Variants in DNAH11 observed in about 807,000 individuals in gnomAD.
DNAH11 encodes dynein axonemal heavy chain 11, also known as axonemal beta dynein heavy chain 11.
In DNAH11, 442 loss-of-function variants were observed where a neutral mutation model predicts 526.0. The observed-to-expected ratio is 0.84, with a 90% confidence interval of 0.78 to 0.91. The LOEUF (loss-of-function observed/expected upper bound fraction) is 0.91. Ranked by LOEUF, DNAH11 falls within the 40% of genes least tolerant of loss-of-function variation. The probability of loss-of-function intolerance (pLI) is 0.00; values close to 1 mark genes in which losing one functional copy is unlikely to be tolerated. For synonymous variants in DNAH11, 2,461 were observed against 1,935.9 expected (o/e 1.27, Z -7.12); for missense variants, 6,989 against 5,448.7 (o/e 1.28, Z -8.90).
intron 65 of DNAH11, among the ~76,000 whole-genome samples, chr7:21,838,271 G>A (rs974415307): frequency 1.3e-5 from 2 of 152,202 alleles, no homozygotes; most frequent in Non-Finnish European, 2.9e-5. Flanking sequence ...AAAGACAAGC[G>A]TGAACCTCTG....
chr7:21,818,168 T>C, intron 64 of DNAH11, 49 bp from the exon 65 acceptor site: 1 of 1,579,114 alleles, frequency 6.3e-7, no homozygotes, highest in South Asian at 1.2e-5. Flanking sequence ...ATTTTGAACA[T>C]TTTGTGCCAA....
intron 62 of DNAH11, among the ~76,000 whole-genome samples, chr7:21,807,474 G>A (rs1293603707): frequency 6.6e-6 from 1 of 152,164 alleles, no homozygotes; most frequent in East Asian, 1.9e-4. Flanking sequence ...ATTCCAGCAC[G>A]GGTGATAGAG....
intron 8 of DNAH11, among the ~76,000 whole-genome samples, chr7:21,576,908 C>G (rs1237150668): frequency 6.6e-6 from 1 of 152,000 alleles, no homozygotes. Context: ...ATGTGTGTTA[C>G]TACTTATTTC....
At chr7:21,579,170 A>C (rs943000450) in intron 8 of DNAH11, among the ~76,000 whole-genome samples, 1 of 152,292 alleles carries the variant, frequency 6.6e-6, no homozygotes, top group East Asian at 1.9e-4. Context: ...CTCTAATTAC[A>C]ACCCTTCAAT....
intron 34 of DNAH11, among the ~76,000 whole-genome samples, chr7:21,688,712 CA>C (rs1314701213): frequency 1.3e-5 from 2 of 152,226 alleles, no homozygotes; most frequent in Non-Finnish European, 2.9e-5. Context: ...CATGTTCTTG[CA>C]GTAACTTGGG....
At position 21,570,096 on chromosome 7, in the gene DNAH11, C is replaced by T; in HGVS notation, c.1222C>T (p.Leu408Phe). The T allele has an allele frequency of 6.2e-7, 1 of 1,610,854 alleles. No individual in the cohort carries two copies. Among genetic ancestry groups the T allele is most frequent in the Non-Finnish European group, 8.5e-7 (1 of 1,178,472 alleles). The change falls in exon 7 of 82, where the codon CTT becomes TTT. Residue 408 changes from leucine (L) to phenylalanine (F), a missense_variant. Leu to Phe is a conservative substitution (Grantham distance 22, BLOSUM62 0). Coordinates refer to ENST00000409508, the MANE Select transcript of DNAH11 (RefSeq NM_001277115.2). The stretch of plus-strand genomic sequence containing the variant: ...AACAGCTTACCTTTCACCTGAGGAC[C>T]TTTTGAGGGGAGAAATAGAAGAGTC... Reference protein sequence around the residue: ...QATAYLSPEDLLRGEIEESLE... With the variant: ...QATAYLSPEDFLRGEIEESLE...
At chr7:21,855,736 T>A (rs75394004) in intron 68 of DNAH11, among the ~76,000 whole-genome samples, 6,004 of 152,310 alleles carry the variant, frequency 0.039, 180 homozygotes, top group Middle Eastern at 0.12. Flanking sequence ...AAATGTTTAT[T>A]ATGATCAATC....
chr7:21,558,325 G>A (rs1783304371), intron 2 of DNAH11, among the ~76,000 whole-genome samples: 1 of 152,118 alleles, frequency 6.6e-6, no homozygotes, highest in African/African-American at 2.4e-5. Flanking sequence ...ATGGTAGAAG[G>A]AGTTCTGAAT....
chr7:21,714,579 C>T (rs965570532), intron 42 of DNAH11, among the ~76,000 whole-genome samples: 1 of 152,130 alleles, frequency 6.6e-6, no homozygotes, highest in East Asian at 1.9e-4. Flanking sequence ...CTGAGATAGA[C>T]ATAATTATTA....
intron 28 of DNAH11, among the ~76,000 whole-genome samples, chr7:21,644,887 A>G (rs1217699770): frequency 1.3e-5 from 2 of 152,260 alleles, no homozygotes; most frequent in African/African-American, 4.8e-5. Flanking sequence ...AATAAATGCC[A>G]TAAATTATAT....
chr7:21,901,830 CTACAGT>C lies in DNAH11; in HGVS notation c.*579_*584del, dbSNP rs1372655418. ...AAGTTTTAATAAAAATAAAACTGTT[CTACAGT>C]TAATTGCACTTTGTTCAGTGTAAAT... On this transcript the variant is annotated 3_prime_UTR_variant, in exon 82 of 82. Coordinates refer to ENST00000409508, the MANE Select transcript of DNAH11 (RefSeq NM_001277115.2). 1.1e-4 allele frequency: 19 copies of C among 171,050 alleles called. No individual in the cohort carries two copies. Among genetic ancestry groups the C allele is most frequent in the Non-Finnish European group, 6.4e-5 (5 of 78,470 alleles). The allele number at this position is 171,050 out of a possible 1,614,324, so 10.6% of individuals were successfully genotyped here.
chr7:21,842,048 G>T (rs1782222498), intron 65 of DNAH11, among the ~76,000 whole-genome samples: 1 of 152,112 alleles, frequency 6.6e-6, no homozygotes, highest in Non-Finnish European at 1.5e-5. Flanking sequence ...TTATTTCAGT[G>T]TTTAATATTA....
At chr7:21,625,373 AT>A (rs1483108795) in intron 25 of DNAH11, among the ~76,000 whole-genome samples, 6 of 151,812 alleles carry the variant, frequency 4.0e-5, no homozygotes, top group Non-Finnish European at 7.4e-5. Context: ...CTCTTCTTTC[AT>A]TTCTGATTTT....
Position 21,739,540 on chromosome 7 carries a change from T to C in DNAH11, c.7812-31T>C, listed in dbSNP as rs189699823. 190 of 1,583,468 alleles carry C rather than the reference T, an allele frequency of 1.2e-4. No homozygotes were observed. The African/African-American group carries it at 2.1e-3, about 18-fold the overall frequency. Reference sequence around the variant, plus strand: ...TTGCTCTTTTGTCATCTCCAGTTTTTGGATTTAAGGTTCTGTTTTCTGTCT... The same window carrying C: ...TTGCTCTTTTGTCATCTCCAGTTTTCGGATTTAAGGTTCTGTTTTCTGTCT... On this transcript the variant is annotated intron_variant, in intron 47 of 81. Coordinates refer to ENST00000409508, the MANE Select transcript of DNAH11 (RefSeq NM_001277115.2).
chr7:21,899,465 T>C lies in DNAH11; in HGVS notation c.13162+17T>C. On this transcript the variant is annotated intron_variant, in intron 80 of 81. Coordinates refer to ENST00000409508, the MANE Select transcript of DNAH11 (RefSeq NM_001277115.2). ...TCTTAACTGGTAAGGGCTGACGCAG[T>C]GCAGCCCCTGATGCACACAGGACCA... The C allele has an allele frequency of 6.3e-7, 1 of 1,589,388 alleles. No individual in the cohort carries two copies.
At chr7:21,579,789 A>C (rs1784242164) in intron 8 of DNAH11, among the ~76,000 whole-genome samples, 1 of 152,206 alleles carries the variant, frequency 6.6e-6, no homozygotes, top group South Asian at 2.1e-4. Flanking sequence ...TATTTTAAAA[A>C]AGATTATTTA....
chr7:21,883,806 C>A (rs1263035532), intron 75 of DNAH11, among the ~76,000 whole-genome samples: 1 of 152,034 alleles, frequency 6.6e-6, no homozygotes. Flanking sequence ...TTTGAGAGGC[C>A]AAGGAGGAAG....
chr7:21,727,177 C>T (rs1354606206), intron 45 of DNAH11, among the ~76,000 whole-genome samples: 1 of 151,860 alleles, frequency 6.6e-6, no homozygotes, highest in African/African-American at 2.4e-5. Flanking sequence ...TCGTGATCCG[C>T]CCACCTCGGC....
chr7:21,704,205 T>C (rs1203735674), intron 37 of DNAH11, among the ~76,000 whole-genome samples: 2 of 152,224 alleles, frequency 1.3e-5, no homozygotes, highest in African/African-American at 4.8e-5. Context: ...AAGGCCTCTT[T>C]GCTGTTCTTA....
Sources: allele counts gnomAD v4.1 joint callset (sites outside exome capture counted in the v4.1 genomes callset), GRCh38; gene constraint gnomAD v4.1.1; transcripts MANE v1.5; gene names NCBI Gene and HGNC (gene_info 2026-07-23, HGNC 2026-07-21).